Variants in NRIP1 observed in about 807,000 individuals in gnomAD.
NRIP1 encodes nuclear receptor-interacting protein 1.
Under a neutral mutation model 75.0 loss-of-function variants are expected in NRIP1, and 28 were observed. That is an observed-to-expected ratio of 0.37 (90% CI 0.28 to 0.51). The LOEUF (loss-of-function observed/expected upper bound fraction) is 0.51. NRIP1 is among the 20% of genes least tolerant of loss of function. NRIP1 has a pLI of 0.92. For missense variants in NRIP1, 1,435 were observed against 1,343.7 expected (o/e 1.07, Z -1.06); for synonymous variants, 526 against 487.6 (o/e 1.08, Z -1.04).
chr21:15,005,565 G>C (rs1415993829), intron 3 of NRIP1, among the ~76,000 whole-genome samples: 1 of 152,164 alleles, frequency 6.6e-6, no homozygotes, highest in Non-Finnish European at 1.5e-5. Context: ...CCTTGTACTG[G>C]ATTTGCAAGA....
At position 14,984,120 on chromosome 21, in the gene NRIP1, T is replaced by G. The variant is rs991620250; in HGVS notation, c.-334-15594A>C. On this transcript the variant is annotated intron_variant, in intron 3 of 3. Coordinates refer to ENST00000318948, the MANE Select transcript of NRIP1 (RefSeq NM_003489.4). The stretch of plus-strand genomic sequence containing the variant: ...TTCCTCTGATTGGATCTGGGCAGAG[T>G]CAACTGAAAAGCTTCTGAAAAGGAT... 5.9e-5 allele frequency among the ~76,000 whole-genome samples: 9 copies of G among 152,082 alleles called. 1 individual carries two copies. In the East Asian group the frequency reaches 1.7e-3, roughly 29 times the overall value.
At chr21:15,026,784 TA>T (rs35402798) in intron 2 of NRIP1, among the ~76,000 whole-genome samples, 3,187 of 152,024 alleles carry the variant, frequency 0.021, 54 homozygotes, top group Non-Finnish European at 0.032. Context: ...GGAGTGGAAA[TA>T]AATGAACTAT....
chr21:15,005,263 T>C (rs2147133228), intron 3 of NRIP1, among the ~76,000 whole-genome samples: 1 of 152,304 alleles, frequency 6.6e-6, no homozygotes, highest in East Asian at 1.9e-4. Flanking sequence ...TTTGAAGCCA[T>C]TTAGCTTTGT....
intron 3 of NRIP1, among the ~76,000 whole-genome samples, chr21:14,993,897 T>C (rs2087642189): frequency 6.6e-6 from 1 of 152,254 alleles, no homozygotes; most frequent in South Asian, 2.1e-4. Flanking sequence ...AAAATGTTTT[T>C]ATACTCAAGT....
intron 3 of NRIP1, among the ~76,000 whole-genome samples, chr21:15,011,473 G>T (rs2088101517): frequency 6.6e-6 from 1 of 152,170 alleles, no homozygotes; most frequent in African/African-American, 2.4e-5. Context: ...GCAAGCGTGA[G>T]CCACCACGCC....
chr21:14,965,300 G>C lies in NRIP1; in HGVS notation c.2893C>G (p.His965Asp). 1 of 1,613,948 alleles carries C rather than the reference G, an allele frequency of 6.2e-7. No individual in the cohort carries two copies. Among genetic ancestry groups the C allele is most frequent in the South Asian group, 1.1e-5 (1 of 91,074 alleles). The change falls in exon 4 of 4, where the codon CAC becomes GAC. Residue 965 changes from histidine to aspartate, a missense_variant. Coordinates refer to ENST00000318948, the MANE Select transcript of NRIP1 (RefSeq NM_003489.4). ...NSVADSKKKG[H>D]KNNVTNSKPE... ...TTGCTGTTGGTCACATTATTTTTGT[G>C]TCCTTTCTTTTTACTGTCAGCCACA... is the stretch of plus-strand genomic sequence containing the variant.
chr21:14,974,345 T>G (rs1263345365), intron 3 of NRIP1: 1 of 152,218 alleles, frequency 6.6e-6, no homozygotes, highest in Non-Finnish European at 1.5e-5. Flanking sequence ...CTCTTGGGTC[T>G]TCTTCTTGTA....
At chr21:15,012,447 C>CTTTTTTTTTTTTTT (rs869160226) in intron 3 of NRIP1, among the ~76,000 whole-genome samples, 4 of 79,366 alleles carry the variant, frequency 5.0e-5, no homozygotes, top group Non-Finnish European at 6.5e-5. Context: ...ATTATAATGT[C>CTTTTTTTTTTTTTT]TTTTTTTTTT....
chr21:15,030,271 G>A (rs2088613254), intron 2 of NRIP1, among the ~76,000 whole-genome samples: 2 of 152,330 alleles, frequency 1.3e-5, no homozygotes, highest in East Asian at 3.9e-4. Context: ...TTTTTGTTGA[G>A]TGAGAAGATA....
At chr21:15,037,590 T>A (rs2088864103) in intron 2 of NRIP1, among the ~76,000 whole-genome samples, 1 of 152,186 alleles carries the variant, frequency 6.6e-6, no homozygotes, top group Non-Finnish European at 1.5e-5. Context: ...TGGGAGCACA[T>A]GTTCCCTTCT....
At chr21:15,021,390 C>T (rs1600881381) in intron 2 of NRIP1, among the ~76,000 whole-genome samples, 1 of 152,140 alleles carries the variant, frequency 6.6e-6, no homozygotes, top group Non-Finnish European at 1.5e-5. Context: ...GAAAGCAGAT[C>T]ACCTCCTGGG....
In NRIP1 at chr21:14,967,634, T is replaced by G; in HGVS notation, c.559A>C (p.Thr187Pro). Residue 187 changes from threonine (T) to proline (P), a missense_variant, in exon 4 of 4, where the codon ACT becomes CCT. Coordinates refer to ENST00000318948, the MANE Select transcript of NRIP1 (RefSeq NM_003489.4). The part of the protein sequence containing the change: ...CYGVASSHLK[T>P]LLKKSKVKDQ... ...TTAACTTTACTTTTCTTCAACAAAG[T>G]TTTTAAGTGACTTGATGCAACACCA... is the stretch of plus-strand genomic sequence containing the variant. 6.2e-7 allele frequency: 1 copy of G among 1,613,754 alleles called. No homozygotes were observed. The highest frequency in any genetic ancestry group is 8.5e-7 in the Non-Finnish European group (1 of 1,179,924).
At chr21:15,060,128 C>T (rs1218403890) in intron 1 of NRIP1, among the ~76,000 whole-genome samples, 1 of 152,032 alleles carries the variant, frequency 6.6e-6, no homozygotes, top group African/African-American at 2.4e-5. Context: ...TGTACCATAA[C>T]AGTGAGAAAA....
rs372168986 is a variant in NRIP1 at position 14,966,763 on chromosome 21, T to C, written c.1430A>G (p.Asp477Gly). The C allele has an allele frequency of 4.3e-6, 7 of 1,614,138 alleles. No homozygotes were observed. In the East Asian group the frequency reaches 6.7e-5, roughly 15 times the overall value. The change falls in exon 4 of 4, where the codon GAT becomes GGT. Residue 477 changes from aspartate (D) to glycine (G), a missense_variant. Transcript: ENST00000318948. ...LLNTWDPKVP[D>G]VDIKEDQDTS... ...ATCTTGATCTTCTTTGATATCTACA[T>C]CTGGGACTTTTGGATCCCAAGTGTT...
intron 3 of NRIP1, among the ~76,000 whole-genome samples, chr21:15,010,883 C>T (rs548557963): frequency 1.3e-5 from 2 of 152,190 alleles, no homozygotes; most frequent in African/African-American, 4.8e-5. Flanking sequence ...TTCATTTGAG[C>T]CAAGCATACA....
rs1187623441 is a variant in NRIP1 at position 14,968,168 on chromosome 21, A to G, written c.25T>C (p.Ser9Pro). 1.2e-6 allele frequency: 2 copies of G among 1,612,044 alleles called. No homozygotes were observed. The highest frequency in any genetic ancestry group is 1.3e-5 in the African/African-American group (1 of 74,848). MTHGEELG[S>P]DVHQDSIVLT... is the part of the protein sequence containing the mutation. ...ACAATAGAATCCTGGTGCACATCAG[A>G]GCCAAGCTCTTCTCCATGAGTCATG... is the stretch of plus-strand genomic sequence containing the variant. The change falls in exon 4 of 4, where the codon TCT becomes CCT. Residue 9 changes from serine to proline, a missense_variant. Physicochemically the swap from Ser to Pro is moderately conservative, Grantham distance 74 (BLOSUM62 -1). Coordinates refer to ENST00000318948, the MANE Select transcript of NRIP1 (RefSeq NM_003489.4).
chr21:15,045,642 C>T (rs751536347), intron 1 of NRIP1, among the ~76,000 whole-genome samples: 14 of 152,176 alleles, frequency 9.2e-5, no homozygotes, highest in Non-Finnish European at 2.1e-4. Flanking sequence ...TGAAGTTTGC[C>T]ACATCGGCTG....
intron 2 of NRIP1, among the ~76,000 whole-genome samples, chr21:15,024,410 CAG>C (rs897645186): frequency 2.6e-5 from 4 of 152,022 alleles, no homozygotes; most frequent in South Asian, 2.1e-4. Context: ...GGTGTGGTGG[CAG>C]TCACCTGTAA....
At chr21:15,038,316 C>T (rs2088879001) in intron 2 of NRIP1, among the ~76,000 whole-genome samples, 2 of 151,908 alleles carry the variant, frequency 1.3e-5, no homozygotes, top group Non-Finnish European at 2.9e-5. Context: ...ACTTTGAGAA[C>T]TACAATTAGA....
Sources: gnomAD v4.1 joint callset for allele counts (sites outside exome capture counted in the v4.1 genomes callset) on GRCh38, gnomAD v4.1.1 for gene constraint, MANE v1.5 for transcripts, NCBI Gene and HGNC (gene_info 2026-07-23, HGNC 2026-07-21) for gene names.